Variants in HSPA12A observed in about 807,000 individuals in gnomAD.
HSPA12A encodes the protein heat shock protein family A (Hsp70) member 12A, also known as heat shock 70 kDa protein 12A.
In HSPA12A, 28 loss-of-function variants were observed where a neutral mutation model predicts 69.2. The observed-to-expected ratio is 0.40, with a 90% confidence interval of 0.30 to 0.55. The LOEUF is 0.55. HSPA12A is among the 20% of genes least tolerant of loss of function. The probability of loss-of-function intolerance (pLI) is 0.38; values close to 1 mark genes in which losing one functional copy is unlikely to be tolerated. For missense variants in HSPA12A, 686 were observed against 900.7 expected (o/e 0.76, Z 3.05); for synonymous variants, 345 against 370.5 (o/e 0.93, Z 0.79).
chr10:116,755,014 C>T (rs1843802244), intron 2 of HSPA12A, among the ~76,000 whole-genome samples: 1 of 152,002 alleles, frequency 6.6e-6, no homozygotes, highest in Admixed American at 6.5e-5. Context: ...AGTGCAGTGG[C>T]ACGATCTTAG....
intron 2 of HSPA12A, among the ~76,000 whole-genome samples, chr10:116,803,287 G>A (rs1844997925): frequency 6.6e-6 from 1 of 152,178 alleles, no homozygotes; most frequent in Admixed American, 6.5e-5. Flanking sequence ...ATGCGTACAC[G>A]CAGATATACA....
chr10:116,705,568 C>T (rs1554882294), intron 2 of HSPA12A, among the ~76,000 whole-genome samples: 1 of 152,242 alleles, frequency 6.6e-6, no homozygotes, highest in Admixed American at 6.5e-5. Context: ...CGGCTAGTTA[C>T]AGAAATTCTA....
At chr10:116,761,598 A>G (rs1843975940) in intron 2 of HSPA12A, among the ~76,000 whole-genome samples, 3 of 151,962 alleles carry the variant, frequency 2.0e-5, no homozygotes, top group Admixed American at 2.0e-4. Context: ...AAACGAAGAA[A>G]TTAGCCAAGC....
chr10:116,683,295 G>T (rs1295781256), intron 7 of HSPA12A, among the ~76,000 whole-genome samples: 1 of 152,092 alleles, frequency 6.6e-6, no homozygotes, highest in South Asian at 2.1e-4. Flanking sequence ...TCCCTAAGGC[G>T]GTGCTCCTTC....
chr10:116,750,420 C>A, intron 2 of HSPA12A: 5 of 646,640 alleles, frequency 7.7e-6, no homozygotes, highest in Non-Finnish European at 1.4e-5. Context: ...TTGTCTACCC[C>A]TCATGGTACC....
chr10:116,823,086 C>A (rs1390116457), intron 2 of HSPA12A, among the ~76,000 whole-genome samples: 2 of 152,212 alleles, frequency 1.3e-5, no homozygotes, highest in African/African-American at 2.4e-5. Context: ...ATCATATCCA[C>A]AAGTTTGAAG....
At chr10:116,688,452 G>T (rs1048361842) in intron 6 of HSPA12A, among the ~76,000 whole-genome samples, 7 of 152,240 alleles carry the variant, frequency 4.6e-5, no homozygotes, top group Admixed American at 3.9e-4. Flanking sequence ...GGAGAAGCAG[G>T]TGAGAAAACC....
intron 2 of HSPA12A, among the ~76,000 whole-genome samples, chr10:116,808,723 T>C (rs1445916270): frequency 6.6e-6 from 1 of 152,076 alleles, no homozygotes; most frequent in Admixed American, 6.5e-5. Flanking sequence ...AAATCACAGT[T>C]GAAGAGTCCC....
At chr10:116,792,171 C>G (rs953913281) in intron 2 of HSPA12A, among the ~76,000 whole-genome samples, 20 of 147,052 alleles carry the variant, frequency 1.4e-4, no homozygotes, top group African/African-American at 5.0e-4. Context: ...CACGTACATG[C>G]ATGTACGTTG....
intron 2 of HSPA12A, among the ~76,000 whole-genome samples, chr10:116,828,007 G>T (rs1386715804): frequency 1.3e-5 from 2 of 152,162 alleles, no homozygotes; most frequent in African/African-American, 4.8e-5. Flanking sequence ...CTCGTGGTAT[G>T]CATTTGTGAT....
chr10:116,819,356 G>A (rs183746615), intron 2 of HSPA12A, among the ~76,000 whole-genome samples: 1 of 152,170 alleles, frequency 6.6e-6, no homozygotes. Context: ...GGAGGGTTCC[G>A]TGGTCTGAGT....
intron 3 of HSPA12A, among the ~76,000 whole-genome samples, chr10:116,701,928 G>A (rs1194369771): frequency 5.3e-5 from 8 of 152,076 alleles, no homozygotes; most frequent in African/African-American, 1.9e-4. Flanking sequence ...CTGTTCATAA[G>A]GGCAAACTGG....
intron 2 of HSPA12A, among the ~76,000 whole-genome samples, chr10:116,706,827 A>G (rs143071969): frequency 4.7e-4 from 72 of 152,250 alleles, no homozygotes; most frequent in African/African-American, 1.7e-3. Flanking sequence ...CCATGTATTC[A>G]CCGATTCACT....
intron 2 of HSPA12A, among the ~76,000 whole-genome samples, chr10:116,762,869 C>A (rs186248318): frequency 6.6e-6 from 1 of 152,340 alleles, no homozygotes; most frequent in East Asian, 1.9e-4. Flanking sequence ...AGCCACCATG[C>A]CTGGCCTTCC....
In HSPA12A at chr10:116,674,293, G is replaced by A. The variant is rs994253056; in HGVS notation, c.*488C>T. 1.8e-4 allele frequency: 29 copies of A among 162,454 alleles called. No individual in the cohort carries two copies. The highest frequency in any genetic ancestry group is 1.2e-3 in the Admixed American group (22 of 17,706). 10.1% of individuals were successfully genotyped at this position (162,454 alleles called of 1,614,324 possible). A position where few individuals can be genotyped will look rare whatever the true frequency, so the allele number is the denominator to read the frequency against. On this transcript the variant is annotated 3_prime_UTR_variant, in exon 12 of 12. Coordinates refer to ENST00000369209, the MANE Select transcript of HSPA12A (RefSeq NM_025015.3). ...TCACCACTTTTAATCACATGATGAGGAAAAGAAATTAACTGCAGATGGGTG... is the reference window on the plus strand; with the variant it reads ...TCACCACTTTTAATCACATGATGAGAAAAAGAAATTAACTGCAGATGGGTG...
intron 2 of HSPA12A, among the ~76,000 whole-genome samples, chr10:116,788,513 G>A (rs1037075431): frequency 3.3e-5 from 5 of 152,062 alleles, no homozygotes; most frequent in African/African-American, 1.2e-4. Context: ...AAAGCACTAG[G>A]AAAAAGAGAC....
rs191427308 is a variant in HSPA12A, at chr10:116,757,195, G to A, written c.92-49910C>T. On this transcript the variant is annotated intron_variant, in intron 2 of 12. Transcript: ENST00000635765. Reference sequence around the variant, plus strand: ...GGCTTAGCTGGGGGAAATGGGGGATGACCTGCAAATGGGAGGAGGCCCCTC... The same window carrying A: ...GGCTTAGCTGGGGGAAATGGGGGATAACCTGCAAATGGGAGGAGGCCCCTC... Among the ~76,000 whole-genome samples, 231 of 152,310 alleles carry A rather than the reference G, an allele frequency of 1.5e-3. 3 individuals carry two copies. Among genetic ancestry groups the A allele is most frequent in the Admixed American group, 0.014 (218 of 15,308 alleles).
At chr10:116,732,913 C>T (rs1207833930) in intron 1 of HSPA12A, among the ~76,000 whole-genome samples, 2 of 152,120 alleles carry the variant, frequency 1.3e-5, no homozygotes, top group African/African-American at 4.8e-5. Context: ...TGCCTAGTGT[C>T]CTGGGGCAGT....
chr10:116,808,242 G>C (rs887464554), intron 2 of HSPA12A, among the ~76,000 whole-genome samples: 7 of 147,956 alleles, frequency 4.7e-5, no homozygotes, highest in African/African-American at 1.7e-4. Flanking sequence ...CAGTGGAGAA[G>C]GAGCTTGGCT....
Sources: gnomAD v4.1 joint callset for allele counts (sites outside exome capture counted in the v4.1 genomes callset) on GRCh38, gnomAD v4.1.1 for gene constraint, MANE v1.5 for transcripts, NCBI Gene and HGNC (gene_info 2026-07-23, HGNC 2026-07-21) for gene names.